Variants in ZNF90 observed in about 807,000 individuals in gnomAD.
ZNF90 encodes the protein zinc finger protein 90.
Under a neutral mutation model 12.0 loss-of-function variants are expected in ZNF90, and 11 were observed. That is an observed-to-expected ratio of 0.92 (90% CI 0.58 to 1.52). The LOEUF (loss-of-function observed/expected upper bound fraction) is 1.52. Ranked by LOEUF, ZNF90 falls within the 40% of genes most tolerant of loss-of-function variation. The pLI is 0.00. For synonymous variants in ZNF90, 232 were observed against 240.1 expected, an observed-to-expected ratio of 0.97 and a Z score of 0.31; for missense variants, 765 against 711.5, an observed-to-expected ratio of 1.08 and a Z score of -0.86.
At chr19:20,112,093 G>C (rs2089094638) in intron 3 of ZNF90, among the ~76,000 whole-genome samples, 1 of 152,026 alleles carries the variant, frequency 6.6e-6, no homozygotes, top group Non-Finnish European at 1.5e-5. Flanking sequence ...TTCTGACCTT[G>C]TGATTCACCC....
At chr19:20,089,812 G>A (rs577285137) in intron 1 of ZNF90, among the ~76,000 whole-genome samples, 1 of 152,260 alleles carries the variant, frequency 6.6e-6, no homozygotes, top group South Asian at 2.1e-4. Context: ...CTGTCTGTAA[G>A]GTGGGGACAG....
intron 3 of ZNF90, among the ~76,000 whole-genome samples, chr19:20,115,327 AAT>A (rs1163919247): frequency 1.3e-5 from 2 of 151,862 alleles, no homozygotes; most frequent in African/African-American, 4.8e-5. Context: ...TAAAATTTTA[AAT>A]AGTTTTCTGA....
chr19:20,112,511 G>A (rs1555705241), intron 3 of ZNF90, among the ~76,000 whole-genome samples: 2 of 151,532 alleles, frequency 1.3e-5, no homozygotes, highest in African/African-American at 4.8e-5. Flanking sequence ...TAGTAGAGAC[G>A]GGGTTTCACC....
At chr19:20,084,913 A>G (rs2088846960) in intron 1 of ZNF90, among the ~76,000 whole-genome samples, 1 of 152,106 alleles carries the variant, frequency 6.6e-6, no homozygotes, top group Admixed American at 6.5e-5. Context: ...GAAGCTCTTA[A>G]GTTCAAATGG....
intron 1 of ZNF90, chr19:20,080,320 C>G: frequency 1.9e-6 from 1 of 532,126 alleles, no homozygotes; most frequent in Non-Finnish European, 3.7e-6. Context: ...CCTTGTTTTA[C>G]CAGTACAACA....
chr19:20,115,263 A>C (rs1186997956), intron 3 of ZNF90, among the ~76,000 whole-genome samples: 3 of 152,118 alleles, frequency 2.0e-5, no homozygotes, highest in Non-Finnish European at 4.4e-5. Flanking sequence ...CAAAATTTTT[A>C]ATAAACTTTT....
At chr19:20,111,163 A>G (rs2116840) in intron 3 of ZNF90, among the ~76,000 whole-genome samples, 21,708 of 151,986 alleles carry the variant, frequency 0.14, 2,110 homozygotes, top group East Asian at 0.52. Context: ...TCAGTATTTT[A>G]TTTAAATACT....
At chr19:20,101,078 T>TCGACCACTGCTGTTTGC in intron 1 of ZNF90, among the ~76,000 whole-genome samples, 1 of 152,186 alleles carries the variant, frequency 6.6e-6, no homozygotes, top group East Asian at 1.9e-4. Context: ...TCACTTGCCG[T>TCGACCACTGCTGTTTGC]CGACCACTGC....
intron 1 of ZNF90, among the ~76,000 whole-genome samples, chr19:20,088,519 T>C (rs2088877574): frequency 6.6e-6 from 1 of 151,918 alleles, no homozygotes; most frequent in African/African-American, 2.4e-5. Flanking sequence ...CCCAAGGGGG[T>C]TCAGCGTAAT....
At chr19:20,098,095 T>A (rs2088962644) in intron 1 of ZNF90, among the ~76,000 whole-genome samples, 1 of 152,136 alleles carries the variant, frequency 6.6e-6, no homozygotes, top group South Asian at 2.1e-4. Flanking sequence ...TATATTCACG[T>A]TGTGTCAGCT....
intron 3 of ZNF90, among the ~76,000 whole-genome samples, chr19:20,106,155 A>C (rs551550668): frequency 1.7e-5 from 2 of 117,386 alleles, no homozygotes; most frequent in South Asian, 5.3e-4. Context: ...TTTTTATTTT[A>C]TGAGAGTTTA....
At chr19:20,114,544 A>C (rs1555705463) in intron 3 of ZNF90, among the ~76,000 whole-genome samples, 1 of 152,126 alleles carries the variant, frequency 6.6e-6, no homozygotes, top group African/African-American at 2.4e-5. Flanking sequence ...TATCTTAATA[A>C]TTGTTAGAAT....
chr19:20,097,035 G>A (rs1555703344), intron 1 of ZNF90, among the ~76,000 whole-genome samples: 1 of 152,134 alleles, frequency 6.6e-6, no homozygotes, highest in Non-Finnish European at 1.5e-5. Flanking sequence ...GGTGAATTTA[G>A]GATGAACTAT....
intron 1 of ZNF90, among the ~76,000 whole-genome samples, chr19:20,101,621 TC>T (rs2088990673): frequency 6.6e-6 from 1 of 152,270 alleles, no homozygotes; most frequent in African/African-American, 2.4e-5. Flanking sequence ...GTGGACTTTT[TC>T]TGTCTTTGTT....
chr19:20,094,317 G>GT (rs1457830557), intron 1 of ZNF90, among the ~76,000 whole-genome samples: 3 of 152,292 alleles, frequency 2.0e-5, no homozygotes, highest in South Asian at 4.1e-4. Flanking sequence ...AATTTTTGAA[G>GT]TTTTTTTGTA....
At chr19:20,106,833 G>T (rs1481414702) in intron 3 of ZNF90, 10 of 452,388 alleles carry the variant, frequency 2.2e-5, no homozygotes, top group African/African-American at 2.0e-4. Flanking sequence ...TGAATTGATA[G>T]TGAAGAGGGG....
intron 1 of ZNF90, among the ~76,000 whole-genome samples, chr19:20,080,775 T>C (rs1156660473): frequency 6.6e-6 from 1 of 152,172 alleles, no homozygotes; most frequent in Non-Finnish European, 1.5e-5. Flanking sequence ...GACAATGTTG[T>C]GGGACTGAGC....
Position 20,078,029 on chromosome 19 carries a change from A to G in ZNF90, c.-104A>G, listed in dbSNP as rs1353499671. On this transcript the variant is annotated 5_prime_UTR_variant, in exon 1 of 4. Transcript: ENST00000418063. ...TGTCTCTTGCTGCAGCTGGTGCTCC[A>G]AATCTGGTCTTAGCTGCTTCGTGTC... is the stretch of plus-strand genomic sequence containing the variant. 26 of 1,499,682 alleles carry G rather than the reference A, an allele frequency of 1.7e-5. No individual in the cohort carries two copies. The highest frequency in any genetic ancestry group is 2.3e-5 in the South Asian group (2 of 88,642). The allele number at this position is 1,499,682 out of a possible 1,614,324, so 92.9% of individuals were successfully genotyped here. A position where few individuals can be genotyped will look rare whatever the true frequency, so the allele number is the denominator to read the frequency against.
chr19:20,104,972 TA>T (rs2089020650), intron 2 of ZNF90, among the ~76,000 whole-genome samples: 1 of 151,990 alleles, frequency 6.6e-6, no homozygotes, highest in East Asian at 1.9e-4. Flanking sequence ...CCAGCCTGGG[TA>T]ACAAGAGAAA....
Sources: gnomAD v4.1 joint callset for allele counts (sites outside exome capture counted in the v4.1 genomes callset) on GRCh38, gnomAD v4.1.1 for gene constraint, MANE v1.5 for transcripts, NCBI Gene and HGNC (gene_info 2026-07-23, HGNC 2026-07-21) for gene names.